SYMPK: variants seen among roughly 807,000 people sequenced by gnomAD.
The protein encoded by SYMPK is symplekin scaffold protein.
SYMPK carries 49 observed loss-of-function variants against 136.4 expected under a neutral mutation model. That is an observed-to-expected ratio of 0.36 (90% CI 0.29 to 0.46). The LOEUF (loss-of-function observed/expected upper bound fraction) is 0.46. Among genes scored for constraint, SYMPK ranks in the 20% least tolerant of loss-of-function variants. The pLI is 1.00. For missense variants in SYMPK, 1,365 were observed against 1,690.0 expected (o/e 0.81, Z 3.37); for synonymous variants, 766 against 713.0 (o/e 1.07, Z -1.19).
intron 15 of SYMPK, 84 bp downstream of exon 15, chr19:45,827,753 G>T: frequency 6.5e-7 from 1 of 1,532,334 alleles, no homozygotes; most frequent in Non-Finnish European, 9.0e-7. Context: ...CCGGCCACAA[G>T]GTTTAGACTG....
At chr19:45,845,077 T>C (rs573677323) in intron 7 of SYMPK, among the ~76,000 whole-genome samples, 4 of 152,146 alleles carry the variant, frequency 2.6e-5, no homozygotes, top group Non-Finnish European at 5.9e-5. Context: ...TGATTATTTT[T>C]TAGTATAGTT....
intron 18 of SYMPK, chr19:45,824,180 CTGG>C: frequency 3.4e-6 from 1 of 295,250 alleles, no homozygotes; most frequent in Non-Finnish European, 6.5e-6. Flanking sequence ...GCTTCGTTCA[CTGG>C]TGAAGATGTT....
At chr19:45,838,163 A>C (rs1243802632) in intron 10 of SYMPK, among the ~76,000 whole-genome samples, 1 of 150,912 alleles carries the variant, frequency 6.6e-6, no homozygotes, top group East Asian at 1.9e-4. Flanking sequence ...AGTGTGTGGC[A>C]CCTCCCTGCT....
At chr19:45,832,747 C>T (rs1354408328) in intron 11 of SYMPK, among the ~76,000 whole-genome samples, 2 of 151,610 alleles carry the variant, frequency 1.3e-5, no homozygotes, top group Non-Finnish European at 2.9e-5. Context: ...TGGTGGCTCA[C>T]ACCTGTAATC....
In SYMPK at chr19:45,815,869, G is replaced by A. The variant is rs748517238; in HGVS notation, c.3669C>T (p.Leu1223=). Residue 1223 remains leucine (L), a synonymous_variant, in exon 26 of 27, where the codon CTC becomes CTT. Coordinates refer to ENST00000245934, the MANE Select transcript of SYMPK (RefSeq NM_004819.3). The stretch of plus-strand genomic sequence containing the variant: ...TCCCTACCTTGGGTAGGGGGCCCTC[G>A]AGACTAGAGTCCAACAGCGCGGCCT... The part of the protein sequence containing the change: ...LTEAALLDSS[L]EGPLPKETAA... The A allele has an allele frequency of 1.6e-5, 26 of 1,611,444 alleles. No homozygotes were observed. The highest frequency in any genetic ancestry group is 2.7e-5 in the African/African-American group (2 of 74,630).
At chr19:45,843,823 A>G (rs1971499085) in intron 8 of SYMPK, among the ~76,000 whole-genome samples, 1 of 151,696 alleles carries the variant, frequency 6.6e-6, no homozygotes, top group Non-Finnish European at 1.5e-5. Flanking sequence ...TGTGTCCTGT[A>G]ATCCCAGCTA....
chr19:45,857,681 C>T lies in SYMPK; in HGVS notation c.-12-3174G>A, dbSNP rs558904158. Among the ~76,000 whole-genome samples the T allele has an allele frequency of 1.5e-3, 227 of 151,534 alleles. 1 individual carries two copies. Among genetic ancestry groups the T allele is most frequent in the African/African-American group, 4.5e-3 (185 of 41,352 alleles). On this transcript the variant is annotated intron_variant, in intron 1 of 26. Coordinates refer to ENST00000245934, the MANE Select transcript of SYMPK (RefSeq NM_004819.3). The stretch of plus-strand genomic sequence containing the variant: ...TAATTTTTTGTATTTTTAGTAGAGA[C>T]GGGGTTTCACCATGTTAGCCAGGAT...
intron 13 of SYMPK, 151 bp from the exon 14 acceptor site, chr19:45,829,356 A>T: frequency 7.2e-6 from 4 of 553,534 alleles, no homozygotes; most frequent in Admixed American, 2.9e-5. Context: ...CCTTATGCCT[A>T]GGAAGGTCCC....
At chr19:45,845,154 CCA>C (rs749829219) in intron 7 of SYMPK, among the ~76,000 whole-genome samples, 12 of 151,894 alleles carry the variant, frequency 7.9e-5, no homozygotes, top group Non-Finnish European at 1.5e-4. Context: ...ACTCTGTCAC[CCA>C]GAGTGGAAAG....
intron 5 of SYMPK, among the ~76,000 whole-genome samples, chr19:45,851,175 G>C (rs896716003): frequency 1.3e-5 from 2 of 152,210 alleles, no homozygotes; most frequent in Non-Finnish European, 2.9e-5. Flanking sequence ...GCTGCTGAGT[G>C]CAAGAGTGGA....
At chr19:45,850,229 A>G (rs1971667011) in intron 5 of SYMPK, among the ~76,000 whole-genome samples, 1 of 152,158 alleles carries the variant, frequency 6.6e-6, no homozygotes, top group Non-Finnish European at 1.5e-5. Context: ...TGGCCGACAG[A>G]GTGAGATTCC....
chr19:45,826,104 C>T (rs1600498397), intron 17 of SYMPK, 122 bp downstream of exon 17: 1 of 1,432,440 alleles, frequency 7.0e-7, no homozygotes, highest in East Asian at 2.5e-5. Flanking sequence ...AGGTGGCTGT[C>T]CCAGTCCTGC....
rs114897351 is a variant in SYMPK at position 45,816,548 on chromosome 19, G to A, written c.3288C>T (p.Thr1096=). The A allele has an allele frequency of 1.9e-3, 3,028 of 1,613,734 alleles. 60 individuals carry two copies. The African/African-American group carries it at 0.034, about 18-fold the overall frequency. The part of the protein sequence containing the change: ...QQAHIPNSIM[T]ILEASGKQEP... ...CCTGCTTGCCGCTGGCCTCCAAGAT[G>A]GTCATGATGGAGTTAGGGATGTGAG... Residue 1096 remains threonine, a synonymous_variant, in exon 25 of 27, where the codon ACC becomes ACT. Transcript: ENST00000245934.
intron 1 of SYMPK, among the ~76,000 whole-genome samples, chr19:45,861,250 C>T (rs1468059298): frequency 6.6e-6 from 1 of 152,062 alleles, no homozygotes; most frequent in African/African-American, 2.4e-5. Flanking sequence ...CATGATAATA[C>T]ATTCAGATCA....
At chr19:45,855,299 A>G (rs1003015660) in intron 1 of SYMPK, 1 of 152,270 alleles carries the variant, frequency 6.6e-6, no homozygotes, top group African/African-American at 2.4e-5. Flanking sequence ...ACTCTCTGGA[A>G]TATCATGAAG....
chr19:45,815,988 G>T lies in SYMPK; in HGVS notation c.3550C>A (p.Pro1184Thr), dbSNP rs148068166. ...PSPSARPGPP[P>T]SEEAMDFREE... is the part of the protein sequence containing the mutation. ...CGGAAATCCATGGCTTCCTCAGACG[G>T]GGGCGGGCCTGGCCGGGCCGACGGA... is the stretch of plus-strand genomic sequence containing the variant. The change falls in exon 26 of 27, where the codon CCG becomes ACG. Residue 1184 changes from proline (P) to threonine (T), a missense_variant. Coordinates refer to ENST00000245934, the MANE Select transcript of SYMPK (RefSeq NM_004819.3). The T allele has an allele frequency of 3.7e-6, 6 of 1,607,916 alleles. No individual in the cohort carries two copies. In the South Asian group the frequency reaches 5.6e-5, roughly 15 times the overall value.
intron 25 of SYMPK, 115 bp from the exon 26 acceptor site, chr19:45,816,298 G>A (rs889378802): frequency 1.4e-5 from 16 of 1,107,300 alleles, no homozygotes; most frequent in Non-Finnish European, 1.6e-5. Flanking sequence ...AGCATGGGGA[G>A]GAAGGGGCAG....
rs779803733 is a variant in SYMPK, at chr19:45,838,487, G to A, written c.1216C>T (p.Leu406=). ...DITAEFLQPL[L]TPDNVANLVL... Reference sequence around the variant, plus strand: ...AGATTAGCCACATTATCAGGCGTCAGCAGAGGCTGCAGGAACTCAGCTGTG... The same window carrying A: ...AGATTAGCCACATTATCAGGCGTCAACAGAGGCTGCAGGAACTCAGCTGTG... The change falls in exon 10 of 27, where the codon CTG becomes TTG. Residue 406 remains leucine (L), a synonymous_variant. Transcript: ENST00000245934. 2 of 1,613,938 alleles carry A rather than the reference G, an allele frequency of 1.2e-6. No homozygotes were observed. The highest frequency in any genetic ancestry group is 1.7e-5 in the Admixed American group (1 of 60,002).
At chr19:45,860,292 C>T (rs910499020) in intron 1 of SYMPK, among the ~76,000 whole-genome samples, 1 of 148,178 alleles carries the variant, frequency 6.7e-6, no homozygotes, top group African/African-American at 2.5e-5. Flanking sequence ...CTCATCTCTA[C>T]TAAAAATACA....
Sources: allele counts gnomAD v4.1 joint callset (sites outside exome capture counted in the v4.1 genomes callset), GRCh38; gene constraint gnomAD v4.1.1; transcripts MANE v1.5; gene names NCBI Gene and HGNC (gene_info 2026-07-23, HGNC 2026-07-21).